Variants in ZBTB40 observed in about 807,000 individuals in gnomAD.
The protein encoded by ZBTB40 is zinc finger and BTB domain-containing protein 40.
Under a neutral mutation model 117.5 loss-of-function variants are expected in ZBTB40, and 60 were observed. The observed-to-expected ratio is 0.51, with a 90% CI of 0.41 to 0.63. ZBTB40 has a LOEUF of 0.63. ZBTB40 is among the 30% of genes least tolerant of loss of function. The pLI is 0.00. For missense variants in ZBTB40, 1,287 were observed against 1,498.5 expected, an observed-to-expected ratio of 0.86 and a Z score of 2.33; for synonymous variants, 525 against 577.1, an observed-to-expected ratio of 0.91 and a Z score of 1.29.
chr1:22,450,175 C>T (rs1477889409), upstream of ZBTB40, among the ~76,000 whole-genome samples: 1 of 152,188 alleles, frequency 6.6e-6, no homozygotes, highest in East Asian at 1.9e-4. Flanking sequence ...GAACTCCTGA[C>T]CTCAGGTGAT....
At chr1:22,467,569 G>T (rs182861491) in intron 1 of ZBTB40, among the ~76,000 whole-genome samples, 9 of 152,204 alleles carry the variant, frequency 5.9e-5, no homozygotes, top group South Asian at 2.1e-4. Context: ...CTGCCTCCCT[G>T]GTTCAAGCAA....
chr1:22,489,823 AG>A lies in ZBTB40; in HGVS notation c.-69-55del. 3 of 867,130 alleles carry A rather than the reference AG, an allele frequency of 3.5e-6. No homozygotes were observed. In the East Asian group the frequency reaches 7.3e-5, roughly 21 times the overall value. The allele number at this position is 867,130 out of a possible 1,614,324, so 53.7% of individuals were successfully genotyped here. On this transcript the variant is annotated intron_variant, in intron 1 of 17. Transcript: ENST00000375647. ...TTCTGTTCATTTAGCGTTTCATTCA[AG>A]GCCTTTCCCTATGGTTTTTTGAAGT...
intron 1 of ZBTB40, among the ~76,000 whole-genome samples, chr1:22,478,945 G>GT (rs1641614604): frequency 6.6e-6 from 1 of 152,078 alleles, no homozygotes; most frequent in Admixed American, 6.5e-5. Flanking sequence ...TACATGTAAT[G>GT]TTTTTACTAC....
At chr1:22,445,869 AAC>A (rs1232250098) in intron 1 of ZBTB40, among the ~76,000 whole-genome samples, 12 of 151,602 alleles carry the variant, frequency 7.9e-5, no homozygotes, top group African/African-American at 2.4e-4. Context: ...AAAAAAAAAA[AAC>A]AAAAAACTGA....
upstream of ZBTB40, among the ~76,000 whole-genome samples, chr1:22,450,668 T>C (rs1187400108): frequency 6.6e-6 from 1 of 152,172 alleles, no homozygotes; most frequent in Non-Finnish European, 1.5e-5. Context: ...TTATGGTCAA[T>C]GACGGTAGCT....
At chr1:22,514,328 C>T (rs1216698931) in intron 12 of ZBTB40, among the ~76,000 whole-genome samples, 1 of 152,196 alleles carries the variant, frequency 6.6e-6, no homozygotes, top group Non-Finnish European at 1.5e-5. Flanking sequence ...TAAATAAACC[C>T]TATCAGGTCA....
rs1380126854 is a variant in ZBTB40, at chr1:22,508,279, G to T, written c.1497+142G>T. On this transcript the variant is annotated intron_variant, in intron 7 of 17. Coordinates refer to ENST00000375647, the MANE Select transcript of ZBTB40 (RefSeq NM_014870.4). ...ATTGCTAAGTAGAGGAGAAATAGAA[G>T]GTATCTCAGTTTCTAAGGTGGAATA... is the stretch of plus-strand genomic sequence containing the variant. 1.3e-5 allele frequency: 14 copies of T among 1,105,920 alleles called. No homozygotes were observed. The South Asian group carries it at 2.0e-4, about 16-fold the overall frequency. The allele number at this position is 1,105,920 out of a possible 1,614,324, so 68.5% of individuals were successfully genotyped here. A position where few individuals can be genotyped will look rare whatever the true frequency, so the allele number is the denominator to read the frequency against.
intron 2 of ZBTB40, 131 bp downstream of exon 2, chr1:22,490,776 G>A: frequency 1.0e-6 from 1 of 991,120 alleles, no homozygotes; most frequent in Admixed American, 2.1e-5. Context: ...ACCGTACTGG[G>A]CCATTCTTTT....
At chr1:22,512,234 T>A in intron 11 of ZBTB40, 100 bp downstream of exon 11, 1 of 1,352,304 alleles carries the variant, frequency 7.4e-7, no homozygotes, top group Non-Finnish European at 1.0e-6. Flanking sequence ...GGGCTGTGGG[T>A]GGGCTTAGAA....
chr1:22,468,157 G>A (rs1641304118), intron 1 of ZBTB40, among the ~76,000 whole-genome samples: 1 of 151,044 alleles, frequency 6.6e-6, no homozygotes, highest in Non-Finnish European at 1.5e-5. Flanking sequence ...CTTTGCTAAA[G>A]CAATTCAGGT....
chr1:22,479,173 AT>A (rs1189363539), intron 1 of ZBTB40, among the ~76,000 whole-genome samples: 1 of 152,230 alleles, frequency 6.6e-6, no homozygotes, highest in African/African-American at 2.4e-5. Context: ...TAGGTGTACC[AT>A]TTAATCACTT....
At chr1:22,445,031 G>A (rs1450421738) in intron 1 of ZBTB40, among the ~76,000 whole-genome samples, 2 of 152,112 alleles carry the variant, frequency 1.3e-5, no homozygotes, top group Non-Finnish European at 2.9e-5. Context: ...ATACTTTGGT[G>A]CCATGTGATT....
chr1:22,486,196 G>A (rs1382407247), intron 1 of ZBTB40, among the ~76,000 whole-genome samples: 2 of 152,198 alleles, frequency 1.3e-5, no homozygotes, highest in African/African-American at 4.8e-5. Flanking sequence ...TAGTGATGTG[G>A]TAGTAGGGTG....
intron 9 of ZBTB40, among the ~76,000 whole-genome samples, chr1:22,510,266 C>G (rs1169102066): frequency 6.6e-6 from 1 of 152,170 alleles, no homozygotes; most frequent in East Asian, 1.9e-4. Context: ...GTTTCTAACT[C>G]TCTCTGTGCA....
At chr1:22,434,738 A>G (rs2124361749) in intron 1 of ZBTB40, among the ~76,000 whole-genome samples, 1 of 151,948 alleles carries the variant, frequency 6.6e-6, no homozygotes, top group East Asian at 1.9e-4. Context: ...GTATTTCTGG[A>G]CTTTCTTTTT....
intron 1 of ZBTB40, among the ~76,000 whole-genome samples, chr1:22,438,078 C>T (rs556282132): frequency 5.9e-4 from 90 of 152,058 alleles, no homozygotes; most frequent in African/African-American, 1.6e-3. Context: ...TGCAGTGAGC[C>T]GAGATCGCAC....
rs560746012 is a variant in ZBTB40 at position 22,519,763 on chromosome 1, T to A, written c.2834-298T>A. 3 of 425,292 alleles carry A rather than the reference T, an allele frequency of 7.1e-6. No homozygotes were observed. In the Admixed American group the frequency reaches 1.1e-4, roughly 15 times the overall value. The allele number at this position is 425,292 out of a possible 1,614,324, so 26.3% of individuals were successfully genotyped here. On this transcript the variant is annotated intron_variant, in intron 13 of 17. Transcript: ENST00000375647. ...CAGGGTGAAACTCCCTGGAAAGTGA[T>A]AAAGTGTAATTTAACTTGAAAGATG...
At chr1:22,439,915 T>C (rs972086016) in intron 1 of ZBTB40, among the ~76,000 whole-genome samples, 3 of 152,260 alleles carry the variant, frequency 2.0e-5, no homozygotes, top group African/African-American at 7.2e-5. Flanking sequence ...TAGCTTTTGG[T>C]AATATTAACA....
At chr1:22,511,447 A>G in intron 10 of ZBTB40, 100 bp downstream of exon 10, 1 of 1,506,186 alleles carries the variant, frequency 6.6e-7, no homozygotes, top group Non-Finnish European at 9.0e-7. Flanking sequence ...TCACAACCTT[A>G]AGTTACGTAT....
Sources: allele counts gnomAD v4.1 joint callset (sites outside exome capture counted in the v4.1 genomes callset), GRCh38; gene constraint gnomAD v4.1.1; transcripts MANE v1.5; gene names NCBI Gene and HGNC (gene_info 2026-07-23, HGNC 2026-07-21).